NRXN3: variants seen among roughly 807,000 people sequenced by gnomAD.
NRXN3 encodes neurexin III.
A neutral mutation model predicts 137.6 loss-of-function variants in NRXN3; 32 were observed. The observed-to-expected ratio is 0.23, with a 90% CI of 0.18 to 0.31. The LOEUF is 0.31. NRXN3 is among the 10% of genes least tolerant of loss of function. The probability of loss-of-function intolerance (pLI) is 1.00; values close to 1 mark genes in which losing one functional copy is unlikely to be tolerated. For synonymous variants in NRXN3, 798 were observed against 784.5 expected (o/e 1.02, Z -0.29); for missense variants, 1,574 against 2,062.5 (o/e 0.76, Z 4.59).
intron 1 of NRXN3, among the ~76,000 whole-genome samples, chr14:78,179,571 C>A (rs538739045): frequency 4.6e-5 from 7 of 152,148 alleles, no homozygotes; most frequent in African/African-American, 1.7e-4. Context: ...CCAGGAGGGT[C>A]GGAAGGGAAC....
chr14:79,007,019 G>T (rs1206909595), intron 15 of NRXN3, among the ~76,000 whole-genome samples: 1 of 152,120 alleles, frequency 6.6e-6, no homozygotes, highest in African/African-American at 2.4e-5. Flanking sequence ...TATATGTGCA[G>T]CATTTCTTTT....
intron 16 of NRXN3, among the ~76,000 whole-genome samples, chr14:79,587,568 G>C (rs1249620425): frequency 6.6e-6 from 1 of 152,210 alleles, no homozygotes; most frequent in Non-Finnish European, 1.5e-5. Flanking sequence ...CAACTGGTGT[G>C]TATAGATTTC....
At chr14:79,804,649 A>G (rs539737142) in intron 19 of NRXN3, among the ~76,000 whole-genome samples, 1 of 152,344 alleles carries the variant, frequency 6.6e-6, no homozygotes, top group Non-Finnish European at 1.5e-5. Flanking sequence ...GCCAGCCTGT[A>G]GATGCACAAC....
chr14:78,407,682 C>T (rs2092572580), intron 4 of NRXN3, among the ~76,000 whole-genome samples: 1 of 152,188 alleles, frequency 6.6e-6, no homozygotes, highest in African/African-American at 2.4e-5. Flanking sequence ...CCATGCCCAG[C>T]CACACTTGGG....
intron 16 of NRXN3, among the ~76,000 whole-genome samples, chr14:79,532,532 G>A (rs910222742): frequency 3.3e-5 from 5 of 152,188 alleles, no homozygotes; most frequent in African/African-American, 4.8e-5. Context: ...GTTTGCTGAA[G>A]TAGGAGGCCA....
chr14:79,661,042 T>C (rs10151573), intron 16 of NRXN3, among the ~76,000 whole-genome samples: 45 of 152,112 alleles, frequency 3.0e-4, no homozygotes, highest in African/African-American at 9.9e-4. Context: ...TCTGAATTCC[T>C]TGAGAAATAA....
intron 16 of NRXN3, among the ~76,000 whole-genome samples, chr14:79,474,615 A>T (rs566962243): frequency 6.6e-6 from 1 of 152,174 alleles, no homozygotes; most frequent in Non-Finnish European, 1.5e-5. Context: ...TTGGTGTCTC[A>T]TTATATAGCG....
At chr14:78,806,757 A>G (rs1425933380) in intron 9 of NRXN3, among the ~76,000 whole-genome samples, 1 of 152,210 alleles carries the variant, frequency 6.6e-6, no homozygotes, top group African/African-American at 2.4e-5. Context: ...CTATTGATCA[A>G]CCATATTTTG....
intron 10 of NRXN3, among the ~76,000 whole-genome samples, chr14:78,851,822 A>C (rs961993838): frequency 1.3e-5 from 2 of 152,230 alleles, no homozygotes; most frequent in Non-Finnish European, 2.9e-5. Context: ...ACTGTATTTT[A>C]AATATCCAAC....
chr14:79,513,850 C>T (rs937041389), intron 16 of NRXN3, among the ~76,000 whole-genome samples: 2 of 152,120 alleles, frequency 1.3e-5, no homozygotes, highest in Non-Finnish European at 2.9e-5. Context: ...CCTGTTTAGT[C>T]GTTTGCAAGA....
intron 5 of NRXN3, among the ~76,000 whole-genome samples, chr14:78,648,680 T>C (rs1427560299): frequency 2.0e-5 from 3 of 152,246 alleles, no homozygotes; most frequent in Admixed American, 2.0e-4. Context: ...CTAGGTTTGA[T>C]CTGTAAATGC....
intron 10 of NRXN3, among the ~76,000 whole-genome samples, chr14:78,876,953 A>G (rs1446210777): frequency 6.6e-6 from 1 of 152,158 alleles, no homozygotes; most frequent in African/African-American, 2.4e-5. Context: ...CTAGCAAATC[A>G]TTGTTTTCTA....
At chr14:79,038,312 C>A (rs2099619573) in intron 15 of NRXN3, among the ~76,000 whole-genome samples, 1 of 151,982 alleles carries the variant, frequency 6.6e-6, no homozygotes, top group Admixed American at 6.6e-5. Context: ...GCAGTTTATT[C>A]TCTCCTGGCA....
Position 79,513,973 on chromosome 14 carries a change from G to A in NRXN3, c.3444+46571G>A, listed in dbSNP as rs111645090. Among the ~76,000 whole-genome samples the A allele has an allele frequency of 2.4e-4, 37 of 152,140 alleles. No homozygotes were observed. The South Asian group carries it at 6.0e-3, about 25-fold the overall frequency. ...ACATTCTAAGGGACTATACACAATC[G>A]TAAAGCAATATATAGAGCAAATTAA... On this transcript the variant is annotated intron_variant, in intron 16 of 20. Transcript: ENST00000335750.
At chr14:78,176,715 G>T (rs10131849) in intron 1 of NRXN3, among the ~76,000 whole-genome samples, 50 of 152,298 alleles carry the variant, frequency 3.3e-4, no homozygotes, top group African/African-American at 1.1e-3. Flanking sequence ...TTTCCTGGCT[G>T]CCAGGGTAGG....
intron 10 of NRXN3, among the ~76,000 whole-genome samples, chr14:78,860,128 A>G (rs1455116050): frequency 6.6e-6 from 1 of 152,188 alleles, no homozygotes; most frequent in Non-Finnish European, 1.5e-5. Flanking sequence ...TATTAGTAAA[A>G]CACTTAACAT....
chr14:78,986,859 A>G (rs2099507256), intron 14 of NRXN3, among the ~76,000 whole-genome samples: 2 of 151,670 alleles, frequency 1.3e-5, no homozygotes, highest in South Asian at 4.2e-4. Flanking sequence ...TGTCTCTACT[A>G]AAAATACAAA....
Position 79,059,260 on chromosome 14 carries a change from T to C in NRXN3, c.3262+71119T>C, listed in dbSNP as rs1370931423. Among the ~76,000 whole-genome samples, 4 of 138,188 alleles carry C rather than the reference T, an allele frequency of 2.9e-5. No homozygotes were observed. The East Asian group carries it at 6.2e-4, about 21-fold the overall frequency. 90.7% of individuals were successfully genotyped at this position (138,188 alleles called of 152,430 possible). ...CCTTCAGGCCCTATTCTTTTTTTTT[T>C]TTTTTTTTTTTTTTTGAGATGGAGT... On this transcript the variant is annotated intron_variant, in intron 15 of 20. Transcript: ENST00000335750.
At chr14:78,506,251 G>A (rs1056123637) in intron 4 of NRXN3, among the ~76,000 whole-genome samples, 10 of 152,148 alleles carry the variant, frequency 6.6e-5, no homozygotes, top group Middle Eastern at 3.4e-3. Flanking sequence ...TTCCCTTAGC[G>A]TAATGTCCTC....
Sources: gnomAD v4.1 joint callset for allele counts (sites outside exome capture counted in the v4.1 genomes callset) on GRCh38, gnomAD v4.1.1 for gene constraint, MANE v1.5 for transcripts, NCBI Gene and HGNC (gene_info 2026-07-23, HGNC 2026-07-21) for gene names.